The following ZNF22 variants were observed in gnomAD, a reference collection of about 807,000 sequenced individuals.
ZNF22 encodes the protein zinc finger protein 22, also known as krox-26 protein.
ZNF22 carries 15 observed loss-of-function variants against 17.0 expected under a neutral mutation model. The ratio of observed to expected loss-of-function variants is 0.88; its 90% confidence interval spans 0.59 to 1.36. The LOEUF (loss-of-function observed/expected upper bound fraction) is 1.36, where lower values mean the gene tolerates loss of function less well. ZNF22 is among the 40% of genes most tolerant of loss of function. The pLI is 0.00. For missense variants in ZNF22, 272 were observed against 276.1 expected, an observed-to-expected ratio of 0.98 and a Z score of 0.11; for synonymous variants, 84 against 90.7, an observed-to-expected ratio of 0.93 and a Z score of 0.42.
In ZNF22 at chr10:45,004,142, G is replaced by T; in HGVS notation, c.*99G>T. Reference sequence around the variant, plus strand: ...TTAGAAATAGAGATGCTTTATAGTAGATCACTTAAATACTGGATCTTTTGC... The same window carrying T: ...TTAGAAATAGAGATGCTTTATAGTATATCACTTAAATACTGGATCTTTTGC... On this transcript the variant is annotated 3_prime_UTR_variant, in exon 2 of 2. Coordinates refer to ENST00000298299, the MANE Select transcript of ZNF22 (RefSeq NM_006963.5). 2 of 1,280,324 alleles carry T rather than the reference G, an allele frequency of 1.6e-6. No individual in the cohort carries two copies. Among genetic ancestry groups the T allele is most frequent in the Non-Finnish European group, 2.1e-6 (2 of 937,156 alleles). The allele number at this position is 1,280,324 out of a possible 1,614,324, so 79.3% of individuals were successfully genotyped here. A position where few individuals can be genotyped will look rare whatever the true frequency, so the allele number is the denominator to read the frequency against.
At position 45,003,475 on chromosome 10, in the gene ZNF22, C is replaced by G. The variant is rs747409759; in HGVS notation, c.107C>G (p.Thr36Ser). Residue 36 changes from threonine (T) to serine (S), a missense_variant, in exon 2 of 2, where the codon ACT (threonine) becomes AGT (serine). Coordinates refer to ENST00000298299, the MANE Select transcript of ZNF22 (RefSeq NM_006963.5). ...TGRQRQKWGM[T>S]IRFDSSFSRL... ...CGGCAGCGGCAGAAGTGGGGCATGACTATTCGATTTGACTCAAGCTTCAGT... is the reference window on the plus strand; with the variant it reads ...CGGCAGCGGCAGAAGTGGGGCATGAGTATTCGATTTGACTCAAGCTTCAGT... 6.2e-7 allele frequency: 1 copy of G among 1,614,232 alleles called. No individual in the cohort carries two copies. Among genetic ancestry groups the G allele is most frequent in the Non-Finnish European group, 8.5e-7 (1 of 1,180,036 alleles).
Position 45,003,612 on chromosome 10 carries a change from T to C in ZNF22, c.244T>C (p.Ser82Pro), listed in dbSNP as rs1219203507. 6.2e-7 allele frequency: 1 copy of C among 1,614,240 alleles called. No individual in the cohort carries two copies. Among genetic ancestry groups the C allele is most frequent in the Non-Finnish European group, 8.5e-7 (1 of 1,180,046 alleles). The change falls in exon 2 of 2, where the codon TCC (serine) becomes CCC (proline). Residue 82 changes from serine to proline, a missense_variant. Ser to Pro is a moderately conservative substitution (Grantham distance 74, BLOSUM62 -1). Transcript: ENST00000298299. ...QHQKIHTGKK[S>P]HKCADCGKSF... ...CCAGAAGATCCATACTGGAAAGAAA[T>C]CCCATAAATGTGCTGATTGTGGGAA...
At chr10:45,001,833 C>T (rs1702994814) in intron 1 of ZNF22, among the ~76,000 whole-genome samples, 2 of 151,780 alleles carry the variant, frequency 1.3e-5, no homozygotes, top group Non-Finnish European at 2.9e-5. Flanking sequence ...GATCTGACTT[C>T]CATTGTATTA....
rs1842323156 is a variant in ZNF22, at chr10:45,000,984, T to A, written c.-90+6T>A. 1 of 710,276 alleles carries A rather than the reference T, an allele frequency of 1.4e-6. No individual in the cohort carries two copies. The highest frequency in any genetic ancestry group is 1.9e-6 in the Non-Finnish European group (1 of 532,934). The allele number at this position is 710,276 out of a possible 1,614,324, so 44.0% of individuals were successfully genotyped here. On this transcript the variant is annotated splice_donor_region_variant and intron_variant, in intron 1 of 1. Transcript: ENST00000298299. ...GTGGTGGCTGGTCCCGCGCGGTGAG[T>A]GGGATTGGGGCACTTGGGGCGCTCG... is the stretch of plus-strand genomic sequence containing the variant.
chr10:45,001,612 CA>C (rs757349448), intron 1 of ZNF22, among the ~76,000 whole-genome samples: 1 of 152,200 alleles, frequency 6.6e-6, no homozygotes, highest in Non-Finnish European at 1.5e-5. Flanking sequence ...ACTAAGAGTA[CA>C]GGCTCTGGAG....
Position 45,003,898 on chromosome 10 carries a change from G to C in ZNF22, c.530G>C (p.Ser177Thr). The change falls in exon 2 of 2, where the codon AGT becomes ACT. Residue 177 changes from serine (S) to threonine (T), a missense_variant. Physicochemically the swap from Ser to Thr is moderately conservative, Grantham distance 58. Coordinates refer to ENST00000298299, the MANE Select transcript of ZNF22 (RefSeq NM_006963.5). ...TGCAGTGAATGTGGCAAATGTTTCA[G>C]TCAGAGCTCTCATCTGAGGCAGCAC... ...YQCSECGKCF[S>T]QSSHLRQHMK... is the part of the protein sequence containing the mutation. The C allele has an allele frequency of 1.2e-6, 2 of 1,614,198 alleles. No homozygotes were observed. Among genetic ancestry groups the C allele is most frequent in the Non-Finnish European group, 1.7e-6 (2 of 1,180,030 alleles).
chr10:45,001,927 T>A (rs928732854), intron 1 of ZNF22, among the ~76,000 whole-genome samples: 1 of 151,664 alleles, frequency 6.6e-6, no homozygotes, highest in Admixed American at 6.6e-5. Context: ...CCTAACACAA[T>A]GTCTCCTGTG....
chr10:45,001,250 CG>C (rs1170344160), intron 1 of ZNF22, among the ~76,000 whole-genome samples: 2 of 149,130 alleles, frequency 1.3e-5, no homozygotes, highest in African/African-American at 4.9e-5. Context: ...GGGGCCCGGG[CG>C]AGGCGCGGCC....
rs748917074 is a variant in ZNF22 at position 45,003,582 on chromosome 10, C to T, written c.214C>T (p.Gln72Ter). 1 of 1,614,066 alleles carries T rather than the reference C, an allele frequency of 6.2e-7. No homozygotes were observed. Among genetic ancestry groups the T allele is most frequent in the Admixed American group, 1.7e-5 (1 of 60,006 alleles). The stretch of plus-strand genomic sequence containing the variant: ...TTTCAGTCAGAGTTCAACTCTTTTT[C>T]AACACCAGAAGATCCATACTGGAAA... Reference protein sequence around the residue: ...KSFSQSSTLFQHQKIHTGKKS... With the variant: ...KSFSQSSTLF The change falls in exon 2 of 2, where the codon CAA becomes TAA. Residue 72 changes from glutamine to a stop codon, truncating the protein, a stop_gained. Coordinates refer to ENST00000298299, the MANE Select transcript of ZNF22 (RefSeq NM_006963.5). LOFTEE classifies it high-confidence loss of function.
chr10:45,000,995 C>T lies in ZNF22; in HGVS notation c.-90+17C>T, dbSNP rs1447713271. On this transcript the variant is annotated intron_variant, in intron 1 of 1. Transcript: ENST00000298299. ...TCCCGCGCGGTGAGTGGGATTGGGGCACTTGGGGCGCTCGGGGCCTGCGTC... is the reference window on the plus strand; with the variant it reads ...TCCCGCGCGGTGAGTGGGATTGGGGTACTTGGGGCGCTCGGGGCCTGCGTC... The T allele has an allele frequency of 1.2e-5, 6 of 507,248 alleles. No homozygotes were observed. The highest frequency in any genetic ancestry group is 1.6e-5 in the Non-Finnish European group (6 of 368,796). 31.4% of individuals were successfully genotyped at this position (507,248 alleles called of 1,614,324 possible).
chr10:45,003,929 G>A lies in ZNF22; in HGVS notation c.561G>A (p.Lys187=), dbSNP rs774414559. The A allele has an allele frequency of 1.9e-6, 3 of 1,614,002 alleles. No individual in the cohort carries two copies. The highest frequency in any genetic ancestry group is 1.3e-5 in the African/African-American group (1 of 74,900). ...GCTCTCATCTGAGGCAGCACATGAA[G>A]GTGCATAAAGAAGAGAAGCCTCGTA... is the stretch of plus-strand genomic sequence containing the variant. ...SQSSHLRQHM[K]VHKEEKPRKT... is the part of the protein sequence containing the mutation. The change falls in exon 2 of 2, where the codon AAG becomes AAA. Residue 187 remains lysine, a synonymous_variant. Transcript: ENST00000298299.
Position 45,003,522 on chromosome 10 carries a change from G to T in ZNF22, c.154G>T (p.Asp52Tyr). 1.2e-6 allele frequency: 2 copies of T among 1,614,232 alleles called. No individual in the cohort carries two copies. The highest frequency in any genetic ancestry group is 1.7e-6 in the Non-Finnish European group (2 of 1,180,038). ...CAGTAGACTCAGAAGAAGCTTGGAT[G>T]ACAAACCCTATAAATGTACTGAATG... ...SFSRLRRSLD[D>Y]KPYKCTECEK... Residue 52 changes from aspartate (D) to tyrosine (Y), a missense_variant, in exon 2 of 2, where the codon GAC becomes TAC. Asp to Tyr is a radical substitution (Grantham distance 160, BLOSUM62 -3). Transcript: ENST00000298299.
chr10:45,003,293 G>A lies in ZNF22; in HGVS notation c.-76G>A. The A allele has an allele frequency of 7.0e-7, 1 of 1,430,406 alleles. No individual in the cohort carries two copies. The highest frequency in any genetic ancestry group is 9.4e-7 in the Non-Finnish European group (1 of 1,063,592). 88.6% of individuals were successfully genotyped at this position (1,430,406 alleles called of 1,614,324 possible). ...TTCTACACACAGAAAATTCTGAGCT[G>A]TACACCTCTAGGAAATGAAACACTA... On this transcript the variant is annotated 5_prime_UTR_variant, in exon 2 of 2. Coordinates refer to ENST00000298299, the MANE Select transcript of ZNF22 (RefSeq NM_006963.5).
At chr10:45,001,049 T>A (rs1842324357) in intron 1 of ZNF22, 71 bp downstream of exon 1, 1 of 196,686 alleles carries the variant, frequency 5.1e-6, no homozygotes, top group Admixed American at 6.5e-5. Flanking sequence ...GGGAGCGCGC[T>A]GGCCGCAACG....
At position 45,003,589 on chromosome 10, in the gene ZNF22, A is replaced by G. The variant is rs1314026116; in HGVS notation, c.221A>G (p.Gln74Arg). The change falls in exon 2 of 2, where the codon CAG becomes CGG. Residue 74 changes from glutamine to arginine, a missense_variant. Coordinates refer to ENST00000298299, the MANE Select transcript of ZNF22 (RefSeq NM_006963.5). Reference protein sequence around the residue: ...FSQSSTLFQHQKIHTGKKSHK... With the variant: ...FSQSSTLFQHRKIHTGKKSHK... ...CAGAGTTCAACTCTTTTTCAACACC[A>G]GAAGATCCATACTGGAAAGAAATCC... 1.3e-5 allele frequency: 21 copies of G among 1,614,086 alleles called. No homozygotes were observed. In the Admixed American group the frequency reaches 3.2e-4, roughly 24 times the overall value.
chr10:45,003,431 G>C lies in ZNF22; in HGVS notation c.63G>C (p.Glu21Asp). ...GCTCAAGCCAAGGAAAGGCCTATGA[G>C]AACAAGCGCAAAACAGGCCGGCAGC... ...SRSSSQGKAY[E>D]NKRKTGRQRQ... Residue 21 changes from glutamate (E) to aspartate (D), a missense_variant, in exon 2 of 2, where the codon GAG becomes GAC. Glu to Asp is a conservative substitution (Grantham distance 45). Coordinates refer to ENST00000298299, the MANE Select transcript of ZNF22 (RefSeq NM_006963.5). The C allele has an allele frequency of 6.2e-7, 1 of 1,614,132 alleles. No homozygotes were observed. The highest frequency in any genetic ancestry group is 8.5e-7 in the Non-Finnish European group (1 of 1,180,008).
At chr10:45,001,530 C>T (rs1466477164) in intron 1 of ZNF22, among the ~76,000 whole-genome samples, 1 of 152,184 alleles carries the variant, frequency 6.6e-6, no homozygotes, top group Non-Finnish European at 1.5e-5. Flanking sequence ...TAACTTCGTG[C>T]TTGCCCCTGC....
chr10:45,002,412 T>C (rs762602715), intron 1 of ZNF22: 1 of 152,222 alleles, frequency 6.6e-6, no homozygotes, highest in Non-Finnish European at 1.5e-5. Flanking sequence ...TTCTAAAAAT[T>C]CCATCCTAGT....
Position 45,000,943 on chromosome 10 carries a change from C to G in ZNF22, c.-125C>G. The G allele has an allele frequency of 9.4e-7, 1 of 1,062,830 alleles. No homozygotes were observed. Among genetic ancestry groups the G allele is most frequent in the Non-Finnish European group, 1.2e-6 (1 of 831,504 alleles). 65.8% of individuals were successfully genotyped at this position (1,062,830 alleles called of 1,614,324 possible). On this transcript the variant is annotated 5_prime_UTR_variant, in exon 1 of 2. Transcript: ENST00000298299. ...CCCTCACTTCCGGCGGCGCGGGAGGCGCCCAGCGAGCCAGAGTGGTGGCTG... is the reference window on the plus strand; with the variant it reads ...CCCTCACTTCCGGCGGCGCGGGAGGGGCCCAGCGAGCCAGAGTGGTGGCTG...
Sources: gnomAD v4.1 joint callset for allele counts (sites outside exome capture counted in the v4.1 genomes callset) on GRCh38, gnomAD v4.1.1 for gene constraint, MANE v1.5 for transcripts, NCBI Gene and HGNC (gene_info 2026-07-23, HGNC 2026-07-21) for gene names.